Variants in TTN observed in about 807,000 individuals in gnomAD.
TTN encodes titin, also known as connectin.
A neutral mutation model predicts 3,223.0 loss-of-function variants in TTN; 1,525 were observed. The observed-to-expected ratio is 0.47, with a 90% CI of 0.45 to 0.49. The LOEUF is 0.49. Among genes scored for constraint, TTN ranks in the 20% least tolerant of loss-of-function variants. The pLI, the probability that TTN is intolerant of heterozygous loss-of-function variation, is 0.00. For synonymous variants in TTN, 14,094 were observed against 15,161.0 expected (o/e 0.93, Z 5.17); for missense variants, 40,786 against 43,424.0 (o/e 0.94, Z 5.40).
chr2:178,739,023 A>T, intron 48 of TTN, 118 bp downstream of exon 48: 1 of 1,279,198 alleles, frequency 7.8e-7, no homozygotes. Context: ...TTTCATTCTT[A>T]CTCTAAATAA....
In TTN at chr2:178,733,561, G is replaced by A. The variant is rs1189259925; in HGVS notation, c.15776-44C>T. The A allele has an allele frequency of 5.0e-6, 8 of 1,596,722 alleles. No homozygotes were observed. The South Asian group carries it at 9.0e-5, about 18-fold the overall frequency. On this transcript the variant is annotated intron_variant, in intron 53 of 362. Transcript: ENST00000589042. ...GTTAGCACCCTAAATGCTTGTTAGG[G>A]TTTCACTTTAATTCTAAATAGCAAT... is the stretch of plus-strand genomic sequence containing the variant.
At chr2:178,611,306 G>T in intron 269 of TTN, 35 bp from the exon 270 acceptor site, 1 of 1,610,758 alleles carries the variant, frequency 6.2e-7, no homozygotes, top group South Asian at 1.1e-5. Context: ...AAAAAACAGA[G>T]TATGTCAAAA....
Position 178,740,679 on chromosome 2 carries a change from A to T in TTN, c.12554T>A (p.Phe4185Tyr). The T allele has an allele frequency of 6.2e-7, 1 of 1,613,850 alleles. No homozygotes were observed. The highest frequency in any genetic ancestry group is 2.2e-5 in the East Asian group (1 of 44,858). ...QAVLSDTEKIFPSAMSIEQIN... is the reference protein window; with the variant it reads ...QAVLSDTEKIYPSAMSIEQIN... ...TTGTTCTATGGACATGGCACTTGGGAAGATTTTCTCGGTATCTGATAGAAC... is the reference window on the plus strand; with the variant it reads ...TTGTTCTATGGACATGGCACTTGGGTAGATTTTCTCGGTATCTGATAGAAC... Residue 4185 changes from phenylalanine (F) to tyrosine (Y), a missense_variant, in exon 48 of 363, where the codon TTC becomes TAC. Transcript: ENST00000589042.
intron 33 of TTN, among the ~76,000 whole-genome samples, chr2:178,772,539 A>G (rs1905521): frequency 0.95 from 144,597 of 152,276 alleles, 68,879 homozygotes; most frequent in Non-Finnish European, 0.99. Context: ...TATCATAAGA[A>G]ATACAGTTAC....
chr2:178,577,010 C>A lies in TTN; in HGVS notation c.69325G>T (p.Glu23109Ter), dbSNP rs727503571. The part of the protein sequence containing the change: ...HVATKLIQGN[E>*]YIFRVSAVNH... ...ACAGCTGAGACCCGGAAGATGTACT[C>A]ATTTCCTTGGATAAGTTTGGTTGCC... is the stretch of plus-strand genomic sequence containing the variant. Residue 23109 changes from glutamate to a stop codon, truncating the protein, a stop_gained, in exon 324 of 363, where the codon GAG becomes TAG. Transcript: ENST00000589042. LOFTEE classifies it high-confidence loss of function. 1.9e-6 allele frequency: 3 copies of A among 1,613,462 alleles called. No individual in the cohort carries two copies. The highest frequency in any genetic ancestry group is 2.5e-6 in the Non-Finnish European group (3 of 1,179,562).
intron 169 of TTN, 24 bp from the exon 170 acceptor site, chr2:178,663,926 C>T (rs764424097): frequency 2.7e-5 from 43 of 1,612,812 alleles, no homozygotes; most frequent in Middle Eastern, 3.3e-4. Context: ...AGTGAAATTA[C>T]ATTTAGGTGT....
chr2:178,645,973 G>C lies in TTN; in HGVS notation c.40355C>G (p.Pro13452Arg), dbSNP rs930348332. ...KPKLKPRPPP[P>R]PPAPPKEDVK... ...ATCTTCCTTAGGTGGAGCAGGTGGA[G>C]GAGGTGGGGGTCTTGGTTTGAGTTT... Residue 13452 changes from proline to arginine, a missense_variant, in exon 217 of 363, where the codon CCT becomes CGT. Transcript: ENST00000589042. 5 of 1,586,608 alleles carry C rather than the reference G, an allele frequency of 3.2e-6. No homozygotes were observed. In the African/African-American group the frequency reaches 6.8e-5, roughly 22 times the overall value.
At chr2:178,717,921 C>T (rs1206562427) in intron 86 of TTN, 22 bp downstream of exon 86, 1 of 1,603,526 alleles carries the variant, frequency 6.2e-7, no homozygotes, top group African/African-American at 1.3e-5. Flanking sequence ...TTCACACACA[C>T]TAGGTTAAAC....
intron 152 of TTN, among the ~76,000 whole-genome samples, chr2:178,672,916 C>T (rs1218367519): frequency 6.6e-6 from 1 of 151,788 alleles, no homozygotes; most frequent in Non-Finnish European, 1.5e-5. Context: ...CCACAAAGTA[C>T]CTGTGCCATT....
At chr2:178,784,024 G>T in intron 16 of TTN, 46 bp downstream of exon 16, 1 of 1,610,786 alleles carries the variant, frequency 6.2e-7, no homozygotes. Context: ...ACCTGGCCCT[G>T]CTCAATGGGA....
Position 178,565,033 on chromosome 2 carries a change from T to C in TTN, c.81099A>G (p.Lys27033=). ...VSATVARTTI[K]ITKLKTGTEY... ...CCGTGCCTGTTTTCAGTTTGGTTATTTTAATTGTTGTTCTTGCAACTGTTG... is the reference window on the plus strand; with the variant it reads ...CCGTGCCTGTTTTCAGTTTGGTTATCTTAATTGTTGTTCTTGCAACTGTTG... Residue 27033 remains lysine, a synonymous_variant, in exon 326 of 363, where the codon AAA becomes AAG. Transcript: ENST00000589042. The C allele has an allele frequency of 6.2e-7, 1 of 1,613,558 alleles. No individual in the cohort carries two copies. The highest frequency in any genetic ancestry group is 1.3e-5 in the African/African-American group (1 of 75,030).
Position 178,547,610 on chromosome 2 carries a change from G to A in TTN, c.94016C>T (p.Thr31339Ile), listed in dbSNP as rs184078016. 1.9e-4 allele frequency: 302 copies of A among 1,613,866 alleles called. 2 individuals carry two copies. In the East Asian group the frequency reaches 6.6e-3, roughly 35 times the overall value. The stretch of plus-strand genomic sequence containing the variant: ...TTCAACTATGTAATTAGTAATTTCA[G>A]TGCCTCCTCCATCTTTAGGTTCTCC... ...SWGEPKDGGG[T>I]EITNYIVEKR... The change falls in exon 339 of 363, where the codon ACT becomes ATT. Residue 31339 changes from threonine to isoleucine, a missense_variant. Coordinates refer to ENST00000589042, the MANE Select transcript of TTN (RefSeq NM_001267550.2).
Position 178,543,309 on chromosome 2 carries a change from C to G in TTN, c.96664G>C (p.Ala32222Pro). The G allele has an allele frequency of 6.2e-7, 1 of 1,613,802 alleles. No homozygotes were observed. The highest frequency in any genetic ancestry group is 1.7e-4 in the Middle Eastern group (1 of 6,060). ...VDVTKSTVTL[A>P]WEKPLYDGGS... ...CCATCGTAGAGTGGTTTTTCCCAGG[C>G]AAGGGTAACAGTGGATTTGGTGACA... The change falls in exon 347 of 363, where the codon GCC becomes CCC. Residue 32222 changes from alanine (A) to proline (P), a missense_variant. Physicochemically the swap from Ala to Pro is conservative, Grantham distance 27 (BLOSUM62 -1). Coordinates refer to ENST00000589042, the MANE Select transcript of TTN (RefSeq NM_001267550.2).
In TTN at chr2:178,702,437, A is replaced by G. The variant is rs1346974101; in HGVS notation, c.30433+17T>C. The G allele has an allele frequency of 1.9e-6, 3 of 1,613,400 alleles. No individual in the cohort carries two copies. The highest frequency in any genetic ancestry group is 2.5e-6 in the Non-Finnish European group (3 of 1,179,644). On this transcript the variant is annotated intron_variant, in intron 107 of 362. Coordinates refer to ENST00000589042, the MANE Select transcript of TTN (RefSeq NM_001267550.2). ...GCTTAAATTATACATTCACTGGAAA[A>G]CTGTCAATGAAATCACCTTCATCGT...
At chr2:178,647,951 A>G (rs1302683075) in intron 213 of TTN, among the ~76,000 whole-genome samples, 1 of 151,994 alleles carries the variant, frequency 6.6e-6, no homozygotes, top group African/African-American at 2.4e-5. Context: ...TGGGCTCCTC[A>G]ATTTCCCTAA....
At chr2:178,673,945 T>C (rs2067502105) in intron 151 of TTN, among the ~76,000 whole-genome samples, 1 of 151,658 alleles carries the variant, frequency 6.6e-6, no homozygotes, top group Non-Finnish European at 1.5e-5. Flanking sequence ...TCTTCAGGAA[T>C]AGTAAATTAA....
intron 62 of TTN, 59 bp downstream of exon 62, chr2:178,730,034 C>CCCCCCCCCCCCG: frequency 1.3e-6 from 2 of 1,585,556 alleles, no homozygotes; most frequent in Non-Finnish European, 1.7e-6. Context: ...CCCGCCCCGG[C>CCCCCCCCCCCCG]CCACCCCAGG....
At chr2:178,701,471 T>C (rs2074983133) in intron 110 of TTN, 57 bp downstream of exon 110, 3 of 1,564,794 alleles carry the variant, frequency 1.9e-6, no homozygotes, top group Admixed American at 1.8e-5. Context: ...TTCGTACAGA[T>C]TCCTAGTGCT....
chr2:178,528,554 T>C lies in TTN; in HGVS notation c.107197A>G (p.Ile35733Val). Residue 35733 changes from isoleucine to valine, a missense_variant, in exon 360 of 363, where the codon ATC becomes GTC. Coordinates refer to ENST00000589042, the MANE Select transcript of TTN (RefSeq NM_001267550.2). ...GGCAGGTTGTTTTTAAACCATTCGA[T>C]TTCAGGGGATGGCTCGCCACTGATT... Reference protein sequence around the residue: ...CEISGEPSPEIEWFKNNLPIS... With the variant: ...CEISGEPSPEVEWFKNNLPIS... 2 of 1,610,746 alleles carry C rather than the reference T, an allele frequency of 1.2e-6. No individual in the cohort carries two copies. Among genetic ancestry groups the C allele is most frequent in the African/African-American group, 2.7e-5 (2 of 74,956 alleles).
Sources: allele counts gnomAD v4.1 joint callset (sites outside exome capture counted in the v4.1 genomes callset), GRCh38; gene constraint gnomAD v4.1.1; transcripts MANE v1.5; gene names NCBI Gene and HGNC (gene_info 2026-07-23, HGNC 2026-07-21).